DLGAP2: variants seen among roughly 807,000 people sequenced by gnomAD.
DLGAP2 encodes DLG associated protein 2, also known as disks large-associated protein 2.
A neutral mutation model predicts 100.3 loss-of-function variants in DLGAP2; 26 were observed. The ratio of observed to expected loss-of-function variants is 0.26; its 90% CI spans 0.19 to 0.36. The LOEUF (loss-of-function observed/expected upper bound fraction) is 0.36, where lower values mean the gene tolerates loss of function less well. DLGAP2 is among the 10% of genes least tolerant of loss of function. DLGAP2 has a pLI of 1.00. For missense variants in DLGAP2, 1,858 were observed against 1,453.2 expected, an observed-to-expected ratio of 1.28 and a Z score of -4.53; for synonymous variants, 886 against 630.1, an observed-to-expected ratio of 1.41 and a Z score of -6.08.
intron 2 of DLGAP2, among the ~76,000 whole-genome samples, chr8:954,880 T>C (rs907704042): frequency 6.6e-6 from 1 of 152,188 alleles, no homozygotes; most frequent in Non-Finnish European, 1.5e-5. Flanking sequence ...TAGGTGTTAG[T>C]TTGCTGTGTC....
intron 3 of DLGAP2, among the ~76,000 whole-genome samples, chr8:1,468,604 C>A (rs1468007094): frequency 3.3e-5 from 5 of 152,230 alleles, no homozygotes; most frequent in South Asian, 4.1e-4. Flanking sequence ...ATCCCTCCAC[C>A]CTTGAAGGAA....
chr8:1,510,019 A>G (rs1800105443), intron 4 of DLGAP2, among the ~76,000 whole-genome samples: 2 of 152,224 alleles, frequency 1.3e-5, no homozygotes. Flanking sequence ...TTTCCATGAC[A>G]ACTAATTTAT....
rs185394435 is a variant in DLGAP2 at position 1,663,921 on chromosome 8, C to A, written c.1811-4408C>A. Reference sequence around the variant, plus strand: ...GACGCTTGTAAAGAAAAGAAGAAGTCAGGCCGTATCCCCAGAGCACTAATG... The same window carrying A: ...GACGCTTGTAAAGAAAAGAAGAAGTAAGGCCGTATCCCCAGAGCACTAATG... On this transcript the variant is annotated intron_variant, in intron 8 of 14. Transcript: ENST00000637795. 1.4e-3 allele frequency among the ~76,000 whole-genome samples: 213 copies of A among 152,308 alleles called. 2 individuals are homozygous for A. The highest frequency in any genetic ancestry group is 4.8e-3 in the African/African-American group (198 of 41,566).
intron 3 of DLGAP2, among the ~76,000 whole-genome samples, chr8:1,436,317 G>C (rs1242080453): frequency 3.3e-5 from 5 of 152,200 alleles, no homozygotes; most frequent in African/African-American, 1.2e-4. Context: ...CTTGGAGTCT[G>C]ATGTTCAAGG....
chr8:1,359,106 C>T (rs1801919186), intron 3 of DLGAP2, among the ~76,000 whole-genome samples: 1 of 152,188 alleles, frequency 6.6e-6, no homozygotes, highest in Admixed American at 6.5e-5. Flanking sequence ...TTGCTGAGGT[C>T]ATCAGTCCGG....
intron 1 of DLGAP2, among the ~76,000 whole-genome samples, chr8:770,535 C>A (rs561893112): frequency 6.6e-6 from 1 of 152,312 alleles, no homozygotes; most frequent in African/African-American, 2.4e-5. Flanking sequence ...AATCCCCCGC[C>A]TCCTCTCAGC....
intron 2 of DLGAP2, among the ~76,000 whole-genome samples, chr8:1,021,271 A>C (rs147193041): frequency 1.1e-4 from 17 of 152,316 alleles, no homozygotes; most frequent in African/African-American, 3.8e-4. Flanking sequence ...CCAGGTGTAC[A>C]GATTATAAGC....
intron 3 of DLGAP2, among the ~76,000 whole-genome samples, chr8:1,318,016 CGTGT>C (rs1001258548): frequency 3.0e-5 from 1 of 33,178 alleles, no homozygotes; most frequent in African/African-American, 2.1e-4. Flanking sequence ...AAAAATAGAG[CGTGT>C]GTGAGTGCAG....
chr8:1,211,824 G>A (rs544556843), intron 2 of DLGAP2, among the ~76,000 whole-genome samples: 47 of 152,350 alleles, frequency 3.1e-4, no homozygotes, highest in Middle Eastern at 3.4e-3. Context: ...GCAGTGAGCC[G>A]ATATCGTGCC....
At chr8:1,415,278 C>T (rs953910269) in intron 3 of DLGAP2, among the ~76,000 whole-genome samples, 2 of 152,176 alleles carry the variant, frequency 1.3e-5, no homozygotes, top group African/African-American at 2.4e-5. Flanking sequence ...TTATGACTTT[C>T]TCTAGTGCGT....
chr8:1,492,540 A>T (rs1799418536), intron 3 of DLGAP2, among the ~76,000 whole-genome samples: 1 of 152,168 alleles, frequency 6.6e-6, no homozygotes, highest in Admixed American at 6.5e-5. Context: ...GCGACACCCG[A>T]TGGGGACCGC....
intron 1 of DLGAP2, among the ~76,000 whole-genome samples, chr8:902,101 G>A (rs971244674): frequency 1.3e-5 from 2 of 152,200 alleles, no homozygotes; most frequent in African/African-American, 4.8e-5. Flanking sequence ...GGAATGTTGC[G>A]CCAGAAGCAA....
intron 3 of DLGAP2, among the ~76,000 whole-genome samples, chr8:1,493,721 C>T (rs532648969): frequency 1.3e-5 from 2 of 152,136 alleles, no homozygotes; most frequent in Non-Finnish European, 2.9e-5. Flanking sequence ...GAAGCAAGCC[C>T]ACTGCCTGCT....
chr8:828,480 T>G (rs1308003635), intron 1 of DLGAP2, among the ~76,000 whole-genome samples: 1 of 152,240 alleles, frequency 6.6e-6, no homozygotes, highest in Non-Finnish European at 1.5e-5. Context: ...GGTCAGAGTT[T>G]AAGGTTATCT....
At chr8:1,407,077 A>G (rs9694627) in intron 3 of DLGAP2, among the ~76,000 whole-genome samples, 1 of 6,156 alleles carries the variant, frequency 1.6e-4, no homozygotes, top group Non-Finnish European at 2.6e-4. Context: ...GTGTATTGAG[A>G]GCTTACTGAG....
intron 8 of DLGAP2, among the ~76,000 whole-genome samples, chr8:1,654,162 A>C (rs1293784758): frequency 6.6e-6 from 1 of 152,182 alleles, no homozygotes; most frequent in African/African-American, 2.4e-5. Flanking sequence ...TGTCATTCAC[A>C]ATTAGGTGTC....
chr8:1,697,107 G>T lies in DLGAP2; in HGVS notation c.2797-40G>T, dbSNP rs373154184. On this transcript the variant is annotated intron_variant, in intron 13 of 14. Transcript: ENST00000637795. ...GGCCTCCCCAGCCCTGTGCCCGCAG[G>T]AGACTCTCCTGGCTCTGAACACCCT... 6.7e-6 allele frequency: 10 copies of T among 1,491,508 alleles called. No homozygotes were observed. In the Admixed American group the frequency reaches 1.7e-4, roughly 25 times the overall value. The allele number at this position is 1,491,508 out of a possible 1,614,324, so 92.4% of individuals were successfully genotyped here.
chr8:1,552,996 C>T (rs1051519545), intron 5 of DLGAP2, among the ~76,000 whole-genome samples: 11 of 152,192 alleles, frequency 7.2e-5, no homozygotes, highest in African/African-American at 1.9e-4. Flanking sequence ...AGAACGGATT[C>T]GCCGTGGCTT....
intron 2 of DLGAP2, among the ~76,000 whole-genome samples, chr8:1,217,311 G>A (rs142852794): frequency 1.2e-3 from 187 of 152,214 alleles, no homozygotes; most frequent in African/African-American, 4.4e-3. Context: ...TGGCTGCACA[G>A]TATTCCATCA....
Sources: gnomAD v4.1 joint callset for allele counts (sites outside exome capture counted in the v4.1 genomes callset) on GRCh38, gnomAD v4.1.1 for gene constraint, MANE v1.5 for transcripts, NCBI Gene and HGNC (gene_info 2026-07-23, HGNC 2026-07-21) for gene names.